The following FAM13C variants were observed in gnomAD, a reference collection of about 807,000 sequenced individuals.
FAM13C encodes the protein family with sequence similarity 13 member C, also known as protein FAM13C.
A neutral mutation model predicts 73.2 loss-of-function variants in FAM13C; 37 were observed. The observed-to-expected ratio is 0.51, with a 90% confidence interval of 0.39 to 0.67. The LOEUF (loss-of-function observed/expected upper bound fraction) is 0.67, where lower values mean the gene tolerates loss of function less well. Ranked by LOEUF, FAM13C falls within the 30% of genes least tolerant of loss-of-function variation. The probability of loss-of-function intolerance (pLI) is 0.00; values close to 1 mark genes in which losing one functional copy is unlikely to be tolerated. For synonymous variants in FAM13C, 246 were observed against 260.9 expected (o/e 0.94, Z 0.55); for missense variants, 589 against 715.6 (o/e 0.82, Z 2.02).
chr10:59,342,735 T>A (rs1039920532), intron 3 of FAM13C, among the ~76,000 whole-genome samples: 1 of 152,178 alleles, frequency 6.6e-6, no homozygotes, highest in African/African-American at 2.4e-5. Context: ...TATGCCTCAG[T>A]TCCTGAGTGT....
chr10:59,317,542 T>G (rs536008831), intron 4 of FAM13C, among the ~76,000 whole-genome samples: 5 of 152,184 alleles, frequency 3.3e-5, no homozygotes, highest in Admixed American at 2.0e-4. Flanking sequence ...TTAGAATATT[T>G]GCTATGGAAA....
At chr10:59,356,400 G>A (rs1434971290) in intron 1 of FAM13C, among the ~76,000 whole-genome samples, 2 of 152,122 alleles carry the variant, frequency 1.3e-5, no homozygotes, top group Non-Finnish European at 2.9e-5. Flanking sequence ...TGAAAAGGAA[G>A]GGGTTCCTTT....
chr10:59,352,152 G>A, intron 3 of FAM13C, 118 bp downstream of exon 3: 1 of 1,145,034 alleles, frequency 8.7e-7, no homozygotes, highest in African/African-American at 1.5e-5. Flanking sequence ...AGCACGCAAT[G>A]ACAAGTCGTG....
chr10:59,269,940 G>A lies in FAM13C; in HGVS notation c.762C>T (p.Pro254=), dbSNP rs758108362. 3.0e-5 allele frequency: 48 copies of A among 1,613,816 alleles called. No homozygotes were observed. The highest frequency in any genetic ancestry group is 4.5e-5 in the East Asian group (2 of 44,884). The part of the protein sequence containing the change: ...FSQSQRFNLD[P]ESAPSPPSTQ... ...TGCTGGGTGGAGATGGGGCTGACTC[G>A]GGGTCTAAGTTGAATCTCTGGCTTT... The change falls in exon 7 of 14, where the codon CCC becomes CCT. Residue 254 remains proline, a synonymous_variant. Coordinates refer to ENST00000618804, the MANE Select transcript of FAM13C (RefSeq NM_198215.4).
At chr10:59,269,482 C>T (rs1035271592) in intron 7 of FAM13C, among the ~76,000 whole-genome samples, 3 of 151,458 alleles carry the variant, frequency 2.0e-5, no homozygotes, top group Non-Finnish European at 2.9e-5. Flanking sequence ...TTGTAAGCTA[C>T]CACTTTTCTA....
In FAM13C at chr10:59,270,059, C is replaced by T; in HGVS notation, c.643G>A (p.Glu215Lys). ...CTGGTCCCCACAGAGTGGAGGTCTT[C>T]TGGTGCACTGTCGGCCTCATTCTGC... is the stretch of plus-strand genomic sequence containing the variant. ...DGQNEADSAP[E>K]DLHSVGTSRL... is the part of the protein sequence containing the mutation. Residue 215 changes from glutamate to lysine, a missense_variant, in exon 7 of 14, where the codon GAA (glutamate) becomes AAA (lysine). Transcript: ENST00000618804. 2 of 1,613,706 alleles carry T rather than the reference C, an allele frequency of 1.2e-6. No individual in the cohort carries two copies. The highest frequency in any genetic ancestry group is 2.2e-5 in the South Asian group (2 of 91,074).
chr10:59,358,090 TA>T (rs1216741808), intron 1 of FAM13C, among the ~76,000 whole-genome samples: 4 of 152,060 alleles, frequency 2.6e-5, no homozygotes, highest in African/African-American at 9.7e-5. Flanking sequence ...CTCTGGCAAT[TA>T]AAAAAATTGG....
chr10:59,339,816 A>G (rs557555129), intron 3 of FAM13C, among the ~76,000 whole-genome samples: 4 of 152,376 alleles, frequency 2.6e-5, no homozygotes, highest in South Asian at 2.1e-4. Flanking sequence ...TTTTCAAAAT[A>G]TAACAGAGGT....
intron 3 of FAM13C, among the ~76,000 whole-genome samples, chr10:59,346,585 G>C (rs984618502): frequency 7.2e-5 from 11 of 152,148 alleles, no homozygotes; most frequent in Non-Finnish European, 1.5e-5. Flanking sequence ...CCACCAGAGG[G>C]GAGGGCAGCA....
chr10:59,286,587 G>A (rs894472695), intron 5 of FAM13C, among the ~76,000 whole-genome samples: 6 of 147,662 alleles, frequency 4.1e-5, no homozygotes, highest in Admixed American at 6.8e-5. Context: ...AGCTGGTGCT[G>A]GGGGGTGGGA....
rs1465316892 is a variant in FAM13C at position 59,299,140 on chromosome 10, C to T, written c.507+3661G>A. Among the ~76,000 whole-genome samples the T allele has an allele frequency of 2.0e-5, 3 of 152,064 alleles. No homozygotes were observed. In the East Asian group the frequency reaches 5.8e-4, roughly 29 times the overall value. ...ATGTTCTCATCACAAAGAACTGATA[C>T]ATATTCAAAGTGTTGAATATGCAAA... On this transcript the variant is annotated intron_variant, in intron 5 of 13. Coordinates refer to ENST00000618804, the MANE Select transcript of FAM13C (RefSeq NM_198215.4).
rs147357275 is a variant in FAM13C, at chr10:59,258,726, G to A, written c.1236+3708C>T. Among the ~76,000 whole-genome samples, 343 of 152,148 alleles carry A rather than the reference G, an allele frequency of 2.3e-3. 1 individual carries two copies. The highest frequency in any genetic ancestry group is 7.8e-3 in the African/African-American group (324 of 41,502). ...TCAATAATTTCTTTAAAAAAAAGAA[G>A]GATAAATAGGAAAGCAGAAAGTTTG... On this transcript the variant is annotated intron_variant, in intron 10 of 13. Coordinates refer to ENST00000618804, the MANE Select transcript of FAM13C (RefSeq NM_198215.4).
chr10:59,306,280 G>C (rs887801482), intron 4 of FAM13C, among the ~76,000 whole-genome samples: 2 of 152,132 alleles, frequency 1.3e-5, no homozygotes, highest in Admixed American at 6.5e-5. Context: ...ATATAGAGAA[G>C]AGCCTACGTA....
At chr10:59,302,356 C>G (rs1287785490) in intron 5 of FAM13C, among the ~76,000 whole-genome samples, 1 of 152,108 alleles carries the variant, frequency 6.6e-6, no homozygotes, top group Non-Finnish European at 1.5e-5. Flanking sequence ...TTGAAGTCTA[C>G]TAAGAAAATC....
At chr10:59,296,863 A>C (rs1248153152) in intron 5 of FAM13C, 6 of 152,222 alleles carry the variant, frequency 3.9e-5, no homozygotes, top group Non-Finnish European at 7.3e-5. Context: ...TGATAAAGTC[A>C]ATACTAAATT....
intron 5 of FAM13C, among the ~76,000 whole-genome samples, chr10:59,288,887 A>G (rs925173035): frequency 6.6e-6 from 1 of 152,158 alleles, no homozygotes; most frequent in Non-Finnish European, 1.5e-5. Context: ...AGTCCTCCTG[A>G]ACAGAGAGTG....
At chr10:59,351,615 T>C (rs1269538512) in intron 3 of FAM13C, among the ~76,000 whole-genome samples, 1 of 152,176 alleles carries the variant, frequency 6.6e-6, no homozygotes, top group Non-Finnish European at 1.5e-5. Flanking sequence ...AATCCCCACG[T>C]CTGAGGCACG....
At chr10:59,281,619 G>C (rs1844928301) in intron 6 of FAM13C, among the ~76,000 whole-genome samples, 2 of 152,158 alleles carry the variant, frequency 1.3e-5, no homozygotes, top group Admixed American at 1.3e-4. Flanking sequence ...ATTTAACATG[G>C]AATGCATTGC....
At chr10:59,303,741 G>A (rs1334722948) in intron 4 of FAM13C, among the ~76,000 whole-genome samples, 1 of 152,136 alleles carries the variant, frequency 6.6e-6, no homozygotes, top group Admixed American at 6.5e-5. Context: ...AAGGAAGTGA[G>A]CTCTTACTCA....
Sources: gnomAD v4.1 joint callset for allele counts (sites outside exome capture counted in the v4.1 genomes callset) on GRCh38, gnomAD v4.1.1 for gene constraint, MANE v1.5 for transcripts, NCBI Gene and HGNC (gene_info 2026-07-23, HGNC 2026-07-21) for gene names.